Variants in GYS2 observed in about 807,000 individuals in gnomAD.
The protein encoded by GYS2 is glycogen synthase 2, also known as glycogen [starch] synthase, liver.
Under a neutral mutation model 85.6 loss-of-function variants are expected in GYS2, and 80 were observed. The ratio of observed to expected loss-of-function variants is 0.93; its 90% confidence interval spans 0.78 to 1.13. The LOEUF is 1.13. Among genes scored for constraint, GYS2 ranks in the 50% most tolerant of loss-of-function variants. The probability of loss-of-function intolerance (pLI) is 0.00; values close to 1 mark genes in which losing one functional copy is unlikely to be tolerated. For missense variants in GYS2, 881 were observed against 854.9 expected, an observed-to-expected ratio of 1.03 and a Z score of -0.38; for synonymous variants, 328 against 300.7, an observed-to-expected ratio of 1.09 and a Z score of -0.94.
intron 4 of GYS2, among the ~76,000 whole-genome samples, chr12:21,571,463 C>CA: frequency 6.6e-6 from 1 of 152,070 alleles, no homozygotes; most frequent in African/African-American, 2.4e-5. Flanking sequence ...TATAGAAAAA[C>CA]AAAAAATGGG....
chr12:21,559,068 G>A (rs774984796), intron 10 of GYS2, 23 bp downstream of exon 10: 1 of 1,347,446 alleles, frequency 7.4e-7, no homozygotes, highest in Non-Finnish European at 1.1e-6. Context: ...ATGGGACATA[G>A]TGGGTGCTTT....
chr12:21,540,860 A>G (rs1171183802), intron 13 of GYS2, among the ~76,000 whole-genome samples: 1 of 152,110 alleles, frequency 6.6e-6, no homozygotes, highest in Non-Finnish European at 1.5e-5. Flanking sequence ...ACTAACCAGA[A>G]TTTCCAGGGC....
chr12:21,576,760 C>T (rs1944451759), intron 2 of GYS2, among the ~76,000 whole-genome samples: 1 of 152,140 alleles, frequency 6.6e-6, no homozygotes, highest in Admixed American at 6.5e-5. Flanking sequence ...GTATGTATAT[C>T]ATCACTTGCA....
chr12:21,598,882 G>C (rs1021243721), intron 1 of GYS2, among the ~76,000 whole-genome samples: 1 of 152,040 alleles, frequency 6.6e-6, no homozygotes, highest in African/African-American at 2.4e-5. Flanking sequence ...TATGTTTAGC[G>C]TGAGGACAAA....
At chr12:21,548,288 G>A (rs1271561032) in intron 11 of GYS2, among the ~76,000 whole-genome samples, 5 of 152,118 alleles carry the variant, frequency 3.3e-5, no homozygotes, top group Admixed American at 6.6e-5. Flanking sequence ...GCCATGATTC[G>A]TAGTGTTTGC....
intron 12 of GYS2, among the ~76,000 whole-genome samples, chr12:21,543,515 A>T (rs2054436): frequency 0.52 from 79,728 of 151,882 alleles, 22,822 homozygotes; most frequent in East Asian, 0.73. Flanking sequence ...ATTTCCTCAG[A>T]CTTCCTCCTG....
At chr12:21,540,282 C>T (rs1565590923) in intron 14 of GYS2, 128 bp downstream of exon 14, 2 of 873,458 alleles carry the variant, frequency 2.3e-6, no homozygotes, top group Admixed American at 4.1e-5. Flanking sequence ...TTAAAAAGTA[C>T]ATGGAGACAC....
intron 4 of GYS2, among the ~76,000 whole-genome samples, chr12:21,571,834 T>C (rs1944389450): frequency 1.3e-5 from 2 of 152,000 alleles, no homozygotes; most frequent in South Asian, 4.2e-4. Context: ...TGGTTGTGCG[T>C]GCCTGTAGTC....
intron 12 of GYS2, among the ~76,000 whole-genome samples, chr12:21,544,746 T>G (rs1944018433): frequency 6.6e-6 from 1 of 152,058 alleles, no homozygotes; most frequent in South Asian, 2.1e-4. Flanking sequence ...CCCGGAAGAG[T>G]TAGATACAAA....
chr12:21,543,268 G>C (rs1377366139), intron 12 of GYS2, among the ~76,000 whole-genome samples: 4 of 152,162 alleles, frequency 2.6e-5, no homozygotes, highest in African/African-American at 4.8e-5. Context: ...ATGAAAAAAA[G>C]ATCTTCCCAT....
chr12:21,560,196 T>C (rs113099030), intron 8 of GYS2, among the ~76,000 whole-genome samples, 190 bp downstream of exon 8: 1 of 152,172 alleles, frequency 6.6e-6, no homozygotes, highest in African/African-American at 2.4e-5. Context: ...AAAATTTGTA[T>C]AACACCTATA....
chr12:21,561,813 C>T (rs1944256488), intron 7 of GYS2, among the ~76,000 whole-genome samples: 1 of 152,070 alleles, frequency 6.6e-6, no homozygotes, highest in African/African-American at 2.4e-5. Context: ...TAATAAATCG[C>T]TTGTTTATTA....
rs552596582 is a variant in GYS2, at chr12:21,580,832, T to C, written c.122-309A>G. The stretch of plus-strand genomic sequence containing the variant: ...AGTCTGAAAAGACAATTGGAGTAAC[T>C]ACTTGCCTAAAGCTCCAGTCACTTT... On this transcript the variant is annotated intron_variant, in intron 1 of 15. Coordinates refer to ENST00000261195, the MANE Select transcript of GYS2 (RefSeq NM_021957.4). 2.6e-5 allele frequency among the ~76,000 whole-genome samples: 4 copies of C among 152,310 alleles called. No individual in the cohort carries two copies. In the South Asian group the frequency reaches 6.2e-4, roughly 24 times the overall value.
At position 21,540,529 on chromosome 12, in the gene GYS2, A is replaced by G. The variant is rs540215492; in HGVS notation, c.1690T>C (p.Cys564Arg). ...TAGAGAAACTTAGTCAGCTGATTGC[A>G]AGAATCATCTGGAGAACGGAACCGC... ...DRRFRSPDDS[C>R]NQLTKFLYGF... Residue 564 changes from cysteine to arginine, a missense_variant, in exon 14 of 16, where the codon TGC becomes CGC. Cys to Arg is a radical substitution (Grantham distance 180). Transcript: ENST00000261195. The G allele has an allele frequency of 4.0e-5, 65 of 1,613,692 alleles. No homozygotes were observed. The South Asian group carries it at 5.9e-4, about 15-fold the overall frequency.
chr12:21,587,019 C>T (rs1409496883), intron 1 of GYS2, among the ~76,000 whole-genome samples: 1 of 152,090 alleles, frequency 6.6e-6, no homozygotes, highest in Non-Finnish European at 1.5e-5. Flanking sequence ...GAAATCATGT[C>T]TTCTCTAGAA....
intron 2 of GYS2, among the ~76,000 whole-genome samples, chr12:21,578,923 C>T (rs1944476587): frequency 6.6e-6 from 1 of 152,136 alleles, no homozygotes; most frequent in African/African-American, 2.4e-5. Flanking sequence ...AAAACCATGT[C>T]ATTCTGCAAC....
intron 1 of GYS2, among the ~76,000 whole-genome samples, chr12:21,590,162 G>T (rs1021102192): frequency 1.3e-5 from 2 of 151,996 alleles, no homozygotes; most frequent in Admixed American, 6.6e-5. Context: ...AACACACCCC[G>T]CACCCCTTCA....
intron 2 of GYS2, among the ~76,000 whole-genome samples, chr12:21,576,269 G>T (rs1944446061): frequency 2.0e-5 from 3 of 152,064 alleles, no homozygotes; most frequent in South Asian, 4.2e-4. Flanking sequence ...CCAAATTCTT[G>T]CTCTTCATTA....
At chr12:21,558,445 G>A in intron 10 of GYS2, 132 bp from the exon 11 acceptor site, 1 of 683,782 alleles carries the variant, frequency 1.5e-6, no homozygotes, top group Admixed American at 2.1e-5. Context: ...TAATGATGAT[G>A]ACTAAGTCTT....
Sources: gnomAD v4.1 joint callset for allele counts (sites outside exome capture counted in the v4.1 genomes callset) on GRCh38, gnomAD v4.1.1 for gene constraint, MANE v1.5 for transcripts, NCBI Gene and HGNC (gene_info 2026-07-23, HGNC 2026-07-21) for gene names.